INVS: variants seen among roughly 807,000 people sequenced by gnomAD.
INVS encodes inversin.
Under a neutral mutation model 108.8 loss-of-function variants are expected in INVS, and 86 were observed. The observed-to-expected ratio is 0.79, with a 90% CI of 0.66 to 0.95. The LOEUF is 0.95. Among genes scored for constraint, INVS ranks in the 40% least tolerant of loss-of-function variants. The pLI, the probability that INVS is intolerant of heterozygous loss-of-function variation, is 0.00. For missense variants in INVS, 1,169 were observed against 1,297.4 expected, an observed-to-expected ratio of 0.90 and a Z score of 1.52; for synonymous variants, 455 against 473.5, an observed-to-expected ratio of 0.96 and a Z score of 0.51.
At chr9:100,183,533 C>G (rs1233578017) in intron 3 of INVS, among the ~76,000 whole-genome samples, 1 of 152,108 alleles carries the variant, frequency 6.6e-6, no homozygotes, top group African/African-American at 2.4e-5. Context: ...TGGCTTACGC[C>G]TGTAATCCCA....
chr9:100,120,688 G>A (rs1049234993), intron 2 of INVS: 3 of 152,306 alleles, frequency 2.0e-5, no homozygotes, highest in Admixed American at 2.0e-4. Context: ...TGTCCTGGAA[G>A]GTCTTTGCTT....
At chr9:100,108,512 A>T (rs1180202634) in intron 2 of INVS, among the ~76,000 whole-genome samples, 1 of 152,208 alleles carries the variant, frequency 6.6e-6, no homozygotes, top group African/African-American at 2.4e-5. Flanking sequence ...TATGCATATG[A>T]ATGCCAGGTG....
At position 100,226,089 on chromosome 9, in the gene INVS, C is replaced by T. The variant is rs757623556; in HGVS notation, c.301C>T (p.Leu101Phe). ...AAATTATCGTTTCATGAAACTCTTA[C>T]TTACACGCAGAGCAAACTGGATGCA... Reference protein sequence around the residue: ...KGNYRFMKLLLTRRANWMQKD... With the variant: ...KGNYRFMKLLFTRRANWMQKD... Residue 101 changes from leucine (L) to phenylalanine (F), a missense_variant, in exon 4 of 17, where the codon CTT becomes TTT. This residue lies in a region of INVS where 365 missense variants were observed against 397.5 expected (regional missense o/e 0.92). Coordinates refer to ENST00000262457, the MANE Select transcript of INVS (RefSeq NM_014425.5). The T allele has an allele frequency of 6.8e-6, 11 of 1,613,324 alleles. No individual in the cohort carries two copies. In the Admixed American group the frequency reaches 1.0e-4, roughly 15 times the overall value.
chr9:100,123,002 G>T (rs1827776454), intron 2 of INVS, among the ~76,000 whole-genome samples: 1 of 151,986 alleles, frequency 6.6e-6, no homozygotes, highest in South Asian at 2.1e-4. Context: ...AACACTGCAT[G>T]TTCCTTCTAT....
chr9:100,207,080 C>T (rs758350100), intron 3 of INVS, among the ~76,000 whole-genome samples: 4 of 152,084 alleles, frequency 2.6e-5, no homozygotes, highest in Non-Finnish European at 5.9e-5. Context: ...GAGCTCCTGC[C>T]AGGTTCCTCT....
intron 8 of INVS, among the ~76,000 whole-genome samples, chr9:100,250,370 G>C (rs546384943): frequency 6.6e-6 from 1 of 152,116 alleles, no homozygotes; most frequent in East Asian, 1.9e-4. Context: ...AAATTCTAGA[G>C]TCATATCCTT....
intron 13 of INVS, among the ~76,000 whole-genome samples, chr9:100,287,080 T>A (rs1833467685): frequency 1.3e-5 from 2 of 152,236 alleles, no homozygotes. Context: ...GGGCTTCATC[T>A]GGTCTCACTC....
At chr9:100,259,574 T>C (rs1451702638) in intron 10 of INVS, among the ~76,000 whole-genome samples, 6 of 150,070 alleles carry the variant, frequency 4.0e-5, no homozygotes, top group African/African-American at 1.2e-4. Context: ...TTTTTTTTTT[T>C]CCTCCCAGGC....
chr9:100,181,141 A>C (rs745552466), intron 3 of INVS, among the ~76,000 whole-genome samples: 4 of 152,140 alleles, frequency 2.6e-5, no homozygotes, highest in Non-Finnish European at 5.9e-5. Flanking sequence ...AAATAATAAG[A>C]CCTACTTATG....
chr9:100,179,181 AAC>A (rs1829806535), intron 3 of INVS, among the ~76,000 whole-genome samples: 1 of 152,232 alleles, frequency 6.6e-6, no homozygotes, highest in Non-Finnish European at 1.5e-5. Flanking sequence ...CCACTGCAAA[AAC>A]ATACCAAATT....
At chr9:100,114,597 GT>G (rs1827451311) in intron 2 of INVS, among the ~76,000 whole-genome samples, 1 of 151,752 alleles carries the variant, frequency 6.6e-6, no homozygotes, top group African/African-American at 2.4e-5. Flanking sequence ...TAGAGATGGG[GT>G]TTTGCCATGT....
chr9:100,163,797 A>G (rs920588189), intron 3 of INVS, among the ~76,000 whole-genome samples: 4 of 152,238 alleles, frequency 2.6e-5, no homozygotes, highest in African/African-American at 9.6e-5. Flanking sequence ...TATTTACAAG[A>G]AACAGTTAGC....
chr9:100,222,794 C>A (rs1831192549), intron 3 of INVS, among the ~76,000 whole-genome samples: 1 of 150,816 alleles, frequency 6.6e-6, no homozygotes, highest in Non-Finnish European at 1.5e-5. Context: ...TGAAGTGTCA[C>A]ACAGATTTGT....
chr9:100,230,373 T>C (rs1304338891), intron 5 of INVS, among the ~76,000 whole-genome samples: 1 of 152,220 alleles, frequency 6.6e-6, no homozygotes, highest in Non-Finnish European at 1.5e-5. Flanking sequence ...TTACCACATT[T>C]ATTTGTATCC....
chr9:100,259,741 G>C (rs1348928647), intron 10 of INVS, among the ~76,000 whole-genome samples: 2 of 151,816 alleles, frequency 1.3e-5, no homozygotes, highest in African/African-American at 4.8e-5. Flanking sequence ...GTAGAGACGG[G>C]GTTTCGTCAC....
At chr9:100,186,607 T>C (rs2118124121) in intron 3 of INVS, among the ~76,000 whole-genome samples, 1 of 152,312 alleles carries the variant, frequency 6.6e-6, no homozygotes, top group South Asian at 2.1e-4. Context: ...AATTTGCATT[T>C]CCTGATGATT....
At chr9:100,227,136 G>C (rs947070612) in intron 4 of INVS, among the ~76,000 whole-genome samples, 1 of 152,156 alleles carries the variant, frequency 6.6e-6, no homozygotes, top group Non-Finnish European at 1.5e-5. Flanking sequence ...AATAGAATCA[G>C]AACAAGTATA....
chr9:100,205,789 T>C (rs994094651), intron 3 of INVS, among the ~76,000 whole-genome samples: 1 of 152,080 alleles, frequency 6.6e-6, no homozygotes, highest in Non-Finnish European at 1.5e-5. Context: ...AGCATTTATT[T>C]ATTCAAAAAA....
At position 100,297,734 on chromosome 9, in the gene INVS, G is replaced by A. The variant is rs1833830488; in HGVS notation, c.3017-202G>A. Among the ~76,000 whole-genome samples the A allele has an allele frequency of 1.3e-5, 2 of 152,196 alleles. 1 individual carries two copies. The highest frequency in any genetic ancestry group is 4.1e-4 in the South Asian group (2 of 4,828). ...AGATAAGCAAGAGCACCTTTAGAAA[G>A]ATCTCCTACAGCATGAACTTTAACA... On this transcript the variant is annotated intron_variant, in intron 15 of 16. Coordinates refer to ENST00000262457, the MANE Select transcript of INVS (RefSeq NM_014425.5).
Sources: gnomAD v4.1 joint callset for allele counts (sites outside exome capture counted in the v4.1 genomes callset) on GRCh38, gnomAD v4.1.1 for gene constraint, gnomAD v4.1.1 regional missense constraint, MANE v1.5 for transcripts, NCBI Gene and HGNC (gene_info 2026-07-23, HGNC 2026-07-21) for gene names.